FIGN: variants seen among roughly 807,000 people sequenced by gnomAD.
The protein encoded by FIGN is fidgetin.
Under a neutral mutation model 51.3 loss-of-function variants are expected in FIGN, and 11 were observed. The observed-to-expected ratio is 0.21, with a 90% confidence interval of 0.13 to 0.35. The LOEUF is 0.35. Among genes scored for constraint, FIGN ranks in the 10% least tolerant of loss-of-function variants. The probability of loss-of-function intolerance (pLI) is 1.00; values close to 1 mark genes in which losing one functional copy is unlikely to be tolerated. For missense variants in FIGN, 857 were observed against 943.6 expected, an observed-to-expected ratio of 0.91 and a Z score of 1.20; for synonymous variants, 407 against 363.2, an observed-to-expected ratio of 1.12 and a Z score of -1.37.
Position 163,664,591 on chromosome 2 carries a change from C to G in FIGN, c.26-52785G>C, listed in dbSNP as rs532848232. Among the ~76,000 whole-genome samples, 133 of 152,310 alleles carry G rather than the reference C, an allele frequency of 8.7e-4. 1 individual carries two copies. The South Asian group carries it at 0.015, about 17-fold the overall frequency. On this transcript the variant is annotated intron_variant, in intron 2 of 2. Coordinates refer to ENST00000333129, the MANE Select transcript of FIGN (RefSeq NM_018086.4). Reference sequence around the variant, plus strand: ...GGCAGCCAGTAGTAAAGCATCATTTCTTTTCCTGTTCTCCTATATTTAAAC... The same window carrying G: ...GGCAGCCAGTAGTAAAGCATCATTTGTTTTCCTGTTCTCCTATATTTAAAC...
chr2:163,727,495 A>G (rs1430589392), intron 2 of FIGN, among the ~76,000 whole-genome samples: 1 of 152,160 alleles, frequency 6.6e-6, no homozygotes, highest in East Asian at 1.9e-4. Flanking sequence ...CAGTGTGGAG[A>G]GCAATGCCTT....
At chr2:163,676,387 T>G (rs372728151) in intron 2 of FIGN, among the ~76,000 whole-genome samples, 16 of 142,520 alleles carry the variant, frequency 1.1e-4, no homozygotes, top group African/African-American at 3.3e-4. Context: ...TGTATTTTAA[T>G]TCACTAAAAT....
At chr2:163,682,842 T>C (rs1041903365) in intron 2 of FIGN, among the ~76,000 whole-genome samples, 1 of 152,206 alleles carries the variant, frequency 6.6e-6, no homozygotes, top group Non-Finnish European at 1.5e-5. Context: ...GAAGAGACTA[T>C]GCTAGCAGGA....
chr2:163,700,807 T>C (rs1314693136), intron 2 of FIGN, among the ~76,000 whole-genome samples: 1 of 152,156 alleles, frequency 6.6e-6, no homozygotes, highest in Non-Finnish European at 1.5e-5. Context: ...CTGATAGCTC[T>C]ATCTTCTCAC....
chr2:163,668,262 A>T (rs1486540017), intron 2 of FIGN, among the ~76,000 whole-genome samples: 1 of 152,186 alleles, frequency 6.6e-6, no homozygotes, highest in Non-Finnish European at 1.5e-5. Flanking sequence ...GAGCATGTAG[A>T]TTAAAAAAGA....
chr2:163,730,504 TTGTGTGTG>T (rs59444555), intron 2 of FIGN, among the ~76,000 whole-genome samples: 27 of 149,028 alleles, frequency 1.8e-4, no homozygotes, highest in African/African-American at 5.9e-4. Context: ...TGCTCCGTGT[TTGTGTGTG>T]TGTGTGTGTG....
chr2:163,728,204 C>G (rs529360268), intron 2 of FIGN, among the ~76,000 whole-genome samples: 1 of 151,888 alleles, frequency 6.6e-6, no homozygotes, highest in African/African-American at 2.4e-5. Flanking sequence ...AGCATACTTT[C>G]GTTTTTTTAA....
chr2:163,676,477 A>ATC (rs1683971269), intron 2 of FIGN, among the ~76,000 whole-genome samples: 5 of 102,294 alleles, frequency 4.9e-5, no homozygotes, highest in South Asian at 3.2e-4. Flanking sequence ...ATATATATAT[A>ATC]TATATAACTA....
At chr2:163,705,167 C>T (rs1684479071) in intron 2 of FIGN, among the ~76,000 whole-genome samples, 1 of 152,136 alleles carries the variant, frequency 6.6e-6, no homozygotes, top group South Asian at 2.1e-4. Context: ...GTTTAATACA[C>T]ATGTGAATTT....
At chr2:163,671,171 G>T (rs573261199) in intron 2 of FIGN, among the ~76,000 whole-genome samples, 1 of 152,188 alleles carries the variant, frequency 6.6e-6, no homozygotes, top group South Asian at 2.1e-4. Flanking sequence ...GGTGTGGCAT[G>T]TAACCTCTGT....
At chr2:163,694,406 A>G (rs1684285335) in intron 2 of FIGN, among the ~76,000 whole-genome samples, 1 of 152,204 alleles carries the variant, frequency 6.6e-6, no homozygotes, top group Non-Finnish European at 1.5e-5. Context: ...AAGAGGTCCT[A>G]TTGTAAAGAA....
intron 2 of FIGN, among the ~76,000 whole-genome samples, chr2:163,713,916 C>A (rs1684627228): frequency 6.6e-6 from 1 of 152,130 alleles, no homozygotes; most frequent in Admixed American, 6.6e-5. Flanking sequence ...TAGATTGTGC[C>A]ATGCAAGAGC....
At chr2:163,619,987 A>T (rs1682941033) in intron 2 of FIGN, among the ~76,000 whole-genome samples, 1 of 152,144 alleles carries the variant, frequency 6.6e-6, no homozygotes, top group Non-Finnish European at 1.5e-5. Flanking sequence ...AGTAAAAAAA[A>T]GTGTACAAAA....
chr2:163,615,216 A>G lies in FIGN; in HGVS notation c.26-3410T>C, dbSNP rs114096418. Among the ~76,000 whole-genome samples, 1,299 of 152,310 alleles carry G rather than the reference A, an allele frequency of 8.5e-3. 16 individuals are homozygous for G. Among genetic ancestry groups the G allele is most frequent in the African/African-American group, 0.03 (1,234 of 41,578 alleles). On this transcript the variant is annotated intron_variant, in intron 2 of 2. Coordinates refer to ENST00000333129, the MANE Select transcript of FIGN (RefSeq NM_018086.4). ...CCTTTGCAGAGCTGCAAAAGGCAAA[A>G]TTGTATTTTGTTTAAATACAAGGCA...
chr2:163,623,785 T>C (rs1304115850), intron 2 of FIGN, among the ~76,000 whole-genome samples: 1 of 152,138 alleles, frequency 6.6e-6, no homozygotes, highest in Non-Finnish European at 1.5e-5. Context: ...GGATGTTGTA[T>C]TGTGCCCTCT....
chr2:163,627,681 T>C (rs1221012927), intron 2 of FIGN, among the ~76,000 whole-genome samples: 2 of 152,120 alleles, frequency 1.3e-5, no homozygotes, highest in Non-Finnish European at 2.9e-5. Flanking sequence ...GCCTTACCAT[T>C]CTTACCCGTT....
rs191731868 is a variant in FIGN at position 163,618,127 on chromosome 2, G to C, written c.26-6321C>G. 2.8e-4 allele frequency among the ~76,000 whole-genome samples: 42 copies of C among 152,138 alleles called. No homozygotes were observed. In the South Asian group the frequency reaches 3.5e-3, roughly 13 times the overall value. ...GAGCATAATCTCTTTAATCAAAAAG[G>C]TGTCAACATTTTCAAATGTTTTCAA... On this transcript the variant is annotated intron_variant, in intron 2 of 2. Coordinates refer to ENST00000333129, the MANE Select transcript of FIGN (RefSeq NM_018086.4).
chr2:163,716,704 C>T (rs921618671), intron 2 of FIGN, among the ~76,000 whole-genome samples: 2 of 152,080 alleles, frequency 1.3e-5, no homozygotes. Flanking sequence ...AAAAAGTAAT[C>T]ATATATAATC....
intron 2 of FIGN, among the ~76,000 whole-genome samples, chr2:163,716,675 TA>T (rs1341258967): frequency 6.6e-6 from 1 of 152,228 alleles, no homozygotes; most frequent in Non-Finnish European, 1.5e-5. Context: ...GTGTATAATT[TA>T]AACATAGTAA....
Sources: gnomAD v4.1 joint callset for allele counts (sites outside exome capture counted in the v4.1 genomes callset) on GRCh38, gnomAD v4.1.1 for gene constraint, MANE v1.5 for transcripts, NCBI Gene and HGNC (gene_info 2026-07-23, HGNC 2026-07-21) for gene names.